Variants in ZFX observed in about 807,000 individuals in gnomAD.
ZFX encodes the protein zinc finger X-chromosomal protein.
For missense variants in ZFX, 362 were observed against 628.3 expected (o/e 0.58, Z 4.53); for synonymous variants, 196 against 226.8 (o/e 0.86, Z 1.22).
intron 3 of ZFX, among the ~76,000 whole-genome samples, chrX:24,153,270 A>G (rs1932413338): frequency 8.9e-6 from 1 of 111,835 alleles, no homozygotes; most frequent in African/African-American, 3.3e-5. Flanking sequence ...TTCACTGAGA[A>G]GGGTAGATGG....
intron 3 of ZFX, among the ~76,000 whole-genome samples, chrX:24,166,123 C>A (rs1057249212): frequency 3.6e-5 from 4 of 112,242 alleles, no homozygotes; most frequent in African/African-American, 9.7e-5. Context: ...CTCATTGGTA[C>A]AAGTAGGTTC....
intron 3 of ZFX, among the ~76,000 whole-genome samples, chrX:24,154,046 A>T (rs1285948657): frequency 3.6e-5 from 4 of 111,572 alleles, no homozygotes; most frequent in Non-Finnish European, 7.5e-5. Context: ...TTTCCAGACA[A>T]CATTTTATAA....
chrX:24,177,667 A>G (rs1036662202), intron 4 of ZFX: 39 of 747,120 alleles, frequency 5.2e-5, no homozygotes, highest in Non-Finnish European at 6.0e-5. Context: ...TTATCCTTTG[A>G]TCCTTGTATG....
chrX:24,181,207 G>T (rs766583661), intron 5 of ZFX, among the ~76,000 whole-genome samples: 1 of 112,625 alleles, frequency 8.9e-6, no homozygotes, highest in South Asian at 3.6e-4. Context: ...GAAAATCAAA[G>T]AATTATTTGT....
At chrX:24,183,730 AT>A (rs768573947) in intron 5 of ZFX, among the ~76,000 whole-genome samples, 784 of 99,631 alleles carry the variant, frequency 7.9e-3, no homozygotes, top group Non-Finnish European at 9.9e-3. Context: ...AACACAGATA[AT>A]TTTTTTTTTT....
chrX:24,203,479 C>T (rs960578631), intron 5 of ZFX, among the ~76,000 whole-genome samples: 2 of 112,299 alleles, frequency 1.8e-5, no homozygotes, highest in African/African-American at 6.5e-5. Context: ...CTCTATATAG[C>T]GGGTCCCAGC....
chrX:24,163,184 T>G (rs1413271073), intron 3 of ZFX, among the ~76,000 whole-genome samples: 1 of 104,375 alleles, frequency 9.6e-6, no homozygotes, highest in Non-Finnish European at 2.0e-5. Context: ...GCTCCATCCT[T>G]GAATTCTAGA....
At chrX:24,206,182 C>T (rs985175002) in intron 5 of ZFX, among the ~76,000 whole-genome samples, 2 of 111,983 alleles carry the variant, frequency 1.8e-5, no homozygotes, top group African/African-American at 6.5e-5. Context: ...GCTGAATTTC[C>T]ATTGACCAAT....
At position 24,214,983 on chromosome X, in the gene ZFX, G is replaced by GAGAT. The variant is rs1237369788; in HGVS notation, c.*3611_*3614dup. 9.1e-6 allele frequency: 1 copy of GAGAT among 110,367 alleles called. No individual in the cohort carries two copies. Among genetic ancestry groups the GAGAT allele is most frequent in the Non-Finnish European group, 1.9e-5 (1 of 53,224 alleles). The allele number at this position is 110,367 out of a possible 1,213,427, so 9.1% of individuals were successfully genotyped here. ...GTTAAGTAAATGTCAGGAGTCAAAA[G>GAGAT]AGATAGAGTTGTGCCATCTTTGATT... On this transcript the variant is annotated 3_prime_UTR_variant, in exon 10 of 10. Coordinates refer to ENST00000304543, the MANE Select transcript of ZFX (RefSeq NM_003410.4).
intron 3 of ZFX, among the ~76,000 whole-genome samples, chrX:24,169,700 G>A (rs750929398): frequency 6.3e-5 from 7 of 110,918 alleles, no homozygotes; most frequent in Admixed American, 1.9e-4. Flanking sequence ...ATCAGGAGAA[G>A]GCTGGGTTTT....
intron 5 of ZFX, 77 bp from the exon 6 acceptor site, chrX:24,207,244 AATTTT>A: frequency 3.5e-6 from 3 of 851,592 alleles, no homozygotes; most frequent in Non-Finnish European, 4.8e-6. Context: ...CAAAAAAAAA[AATTTT>A]TTTTTTTTTT....
chrX:24,177,919 T>A, intron 4 of ZFX: 1 of 695,406 alleles, frequency 1.4e-6, no homozygotes, highest in South Asian at 7.4e-5. Context: ...GAAGTTGCAT[T>A]ACTTAATTTT....
intron 5 of ZFX, among the ~76,000 whole-genome samples, chrX:24,182,155 G>A (rs941955629): frequency 9.4e-6 from 1 of 105,894 alleles, no homozygotes; most frequent in Non-Finnish European, 1.9e-5. Context: ...AGGTTTGGTG[G>A]GGGAAGGTGG....
chrX:24,150,488 C>T (rs572253011), intron 1 of ZFX: 1 of 112,981 alleles, frequency 8.9e-6, no homozygotes, highest in South Asian at 3.5e-4. Flanking sequence ...CGCCACCTTC[C>T]TGCCTTGCCT....
At position 24,179,330 on chromosome X, in the gene ZFX, A is replaced by G. The variant is rs1255301157; in HGVS notation, c.206A>G (p.Glu69Gly). 3 of 1,210,604 alleles carry G rather than the reference A, an allele frequency of 2.5e-6. No individual in the cohort carries two copies. The highest frequency in any genetic ancestry group is 3.4e-6 in the Non-Finnish European group (3 of 895,424). ...TCAGTTGTAATCCAAGATGTTATTG[A>G]GGACGTTGTTATAGAAGATGTTCAG... ...PDSVVIQDVI[E>G]DVVIEDVQCP... The change falls in exon 5 of 10, where the codon GAG becomes GGG. Residue 69 changes from glutamate to glycine, a missense_variant. Transcript: ENST00000304543.
intron 4 of ZFX, among the ~76,000 whole-genome samples, chrX:24,176,430 A>ATTTTTTT (rs56241839): frequency 6.0e-5 from 4 of 66,848 alleles, no homozygotes; most frequent in South Asian, 9.5e-4. Flanking sequence ...TTGGCCTTTG[A>ATTTTTTT]TTTTTTTTTT....
chrX:24,173,404 T>TC (rs1569137151), intron 4 of ZFX, among the ~76,000 whole-genome samples: 45 of 109,699 alleles, frequency 4.1e-4, no homozygotes, highest in East Asian at 2.3e-3. Flanking sequence ...CTCTCTCTCT[T>TC]GCAAGTTCCC....
At chrX:24,181,957 G>A (rs1009594437) in intron 5 of ZFX, among the ~76,000 whole-genome samples, 1 of 111,566 alleles carries the variant, frequency 9.0e-6, no homozygotes, top group Non-Finnish European at 1.9e-5. Flanking sequence ...TCTGAAGTAC[G>A]TTAATAATAG....
chrX:24,178,718 A>G (rs188851964), intron 4 of ZFX, among the ~76,000 whole-genome samples: 1 of 110,552 alleles, frequency 9.0e-6, no homozygotes, highest in Admixed American at 9.7e-5. Flanking sequence ...AGTTGGGATT[A>G]TAGGCTTGTG....
Sources: gnomAD v4.1 joint callset for allele counts (sites outside exome capture counted in the v4.1 genomes callset) on GRCh38, gnomAD v4.1.1 for gene constraint, MANE v1.5 for transcripts, NCBI Gene and HGNC (gene_info 2026-07-23, HGNC 2026-07-21) for gene names.